The following SCN3B variants were observed in gnomAD, a reference collection of about 807,000 sequenced individuals.
The protein encoded by SCN3B is sodium voltage-gated channel beta subunit 3, also known as sodium channel regulatory subunit beta-3.
In SCN3B, 11 loss-of-function variants were observed where a neutral mutation model predicts 25.4. That is an observed-to-expected ratio of 0.43 (90% confidence interval 0.27 to 0.72). The LOEUF (loss-of-function observed/expected upper bound fraction) is 0.72, where lower values mean the gene tolerates loss of function less well. Ranked by LOEUF, SCN3B falls within the 30% of genes least tolerant of loss-of-function variation. The pLI, the probability that SCN3B is intolerant of heterozygous loss-of-function variation, is 0.18. For synonymous variants in SCN3B, 109 were observed against 110.7 expected (o/e 0.99, Z 0.09); for missense variants, 218 against 278.3 (o/e 0.78, Z 1.54).
At chr11:123,644,924 C>T (rs1272144082) in intron 3 of SCN3B, among the ~76,000 whole-genome samples, 1 of 149,592 alleles carries the variant, frequency 6.7e-6, no homozygotes, top group African/African-American at 2.5e-5. Flanking sequence ...CACCAACCAC[C>T]CAGAACTGAC....
At chr11:123,640,920 C>T (rs1955782329) in intron 4 of SCN3B, 1 of 152,250 alleles carries the variant, frequency 6.6e-6, no homozygotes, top group Admixed American at 6.5e-5. Flanking sequence ...CCACGAGGCT[C>T]TGTGGCTCTG....
At chr11:123,644,005 GC>G (rs1311991336) in intron 3 of SCN3B, among the ~76,000 whole-genome samples, 1 of 152,238 alleles carries the variant, frequency 6.6e-6, no homozygotes, top group Non-Finnish European at 1.5e-5. Flanking sequence ...AGAAGAGCAA[GC>G]TAAACCCAGT....
chr11:123,649,349 C>T (rs558904943), intron 2 of SCN3B, among the ~76,000 whole-genome samples: 1 of 152,224 alleles, frequency 6.6e-6, no homozygotes, highest in East Asian at 1.9e-4. Context: ...CTTGGTTGCC[C>T]CTAAGGCAAC....
chr11:123,636,173 A>G (rs1164968363), intron 5 of SCN3B, among the ~76,000 whole-genome samples: 1 of 152,172 alleles, frequency 6.6e-6, no homozygotes, highest in African/African-American at 2.4e-5. Flanking sequence ...ACTTCTTGCT[A>G]TTGTAACTTT....
chr11:123,649,611 T>C (rs1421136285), intron 2 of SCN3B, among the ~76,000 whole-genome samples: 7 of 151,514 alleles, frequency 4.6e-5, no homozygotes, highest in Non-Finnish European at 2.9e-5. Context: ...TCCTTTCTTT[T>C]TCTTTTCTTT....
intron 5 of SCN3B, among the ~76,000 whole-genome samples, chr11:123,637,480 T>C (rs1955741965): frequency 6.6e-6 from 1 of 152,164 alleles, no homozygotes; most frequent in African/African-American, 2.4e-5. Flanking sequence ...CGGCTTGGCA[T>C]TTACAGAACG....
intron 2 of SCN3B, among the ~76,000 whole-genome samples, chr11:123,650,476 T>C (rs1955911204): frequency 6.6e-6 from 1 of 152,128 alleles, no homozygotes; most frequent in African/African-American, 2.4e-5. Flanking sequence ...ATTTAGCTGG[T>C]CACTTAGGGC....
chr11:123,647,635 T>C (rs376619820), intron 2 of SCN3B, among the ~76,000 whole-genome samples: 2 of 152,260 alleles, frequency 1.3e-5, no homozygotes. Flanking sequence ...TAGTCCACTG[T>C]TAATGGTCAG....
intron 5 of SCN3B, among the ~76,000 whole-genome samples, chr11:123,635,726 T>C (rs942137539): frequency 6.6e-6 from 1 of 151,684 alleles, no homozygotes; most frequent in Non-Finnish European, 1.5e-5. Context: ...TCATCTCCGA[T>C]AAGACAAATC....
rs112754044 is a variant in SCN3B, at chr11:123,637,167, A to G, written c.584+1019T>C. Among the ~76,000 whole-genome samples, 836 of 152,216 alleles carry G rather than the reference A, an allele frequency of 5.5e-3. 9 individuals carry two copies. Among genetic ancestry groups the G allele is most frequent in the African/African-American group, 0.019 (792 of 41,530 alleles). On this transcript the variant is annotated intron_variant, in intron 5 of 6. Coordinates refer to ENST00000299333, the MANE Select transcript of SCN3B (RefSeq NM_001040151.2). ...TTCTTACAGACCCCACCGTTTCTCA[A>G]ATGTGCTCACCCTCAAGTGACTAGA...
At position 123,631,359 on chromosome 11, in the gene SCN3B, G is replaced by T. The variant is rs1444026928; in HGVS notation, c.*2440C>A. The T allele has an allele frequency of 6.6e-6, 1 of 152,100 alleles. No individual in the cohort carries two copies. The highest frequency in any genetic ancestry group is 1.5e-5 in the Non-Finnish European group (1 of 68,020). The allele number at this position is 152,100 out of a possible 1,614,324, so 9.4% of individuals were successfully genotyped here. Reference sequence around the variant, plus strand: ...TACCGCAAGCTGGTGGCATCCATGAGCTATGGGACTGGAAAAATTTCACAC... The same window carrying T: ...TACCGCAAGCTGGTGGCATCCATGATCTATGGGACTGGAAAAATTTCACAC... On this transcript the variant is annotated 3_prime_UTR_variant, in exon 7 of 7. Coordinates refer to ENST00000299333, the MANE Select transcript of SCN3B (RefSeq NM_001040151.2).
At chr11:123,641,643 C>A (rs181139747) in intron 4 of SCN3B, among the ~76,000 whole-genome samples, 196 of 152,260 alleles carry the variant, frequency 1.3e-3, no homozygotes, top group African/African-American at 4.6e-3. Flanking sequence ...GCAACAGAAA[C>A]ACCTGAGTTA....
intron 2 of SCN3B, among the ~76,000 whole-genome samples, chr11:123,648,792 A>G (rs559253739): frequency 6.6e-6 from 1 of 152,266 alleles, no homozygotes; most frequent in Non-Finnish European, 1.5e-5. Context: ...GTCATGCTCA[A>G]CAGACAGCAA....
chr11:123,646,414 T>C, intron 2 of SCN3B, among the ~76,000 whole-genome samples: 1 of 152,160 alleles, frequency 6.6e-6, no homozygotes, highest in East Asian at 1.9e-4. Context: ...TCCCTTCCAG[T>C]GTGAGGTATC....
rs3884445 is a variant in SCN3B at position 123,653,151 on chromosome 11, C to CAA, written c.55+594_55+595dup. Among the ~76,000 whole-genome samples, 194 of 144,278 alleles carry CAA rather than the reference C, an allele frequency of 1.3e-3. No individual in the cohort carries two copies. The East Asian group carries it at 0.016, about 12-fold the overall frequency. The allele number at this position is 144,278 out of a possible 152,430, so 94.7% of individuals were successfully genotyped here. On this transcript the variant is annotated intron_variant, in intron 2 of 6. Transcript: ENST00000299333. The stretch of plus-strand genomic sequence containing the variant: ...AGGTTCATGCAACAAACAAACAAAC[C>CAA]AAAAAAAAAAGAAGAAGAAGAAAAA...
rs1156375371 is a variant in SCN3B at position 123,632,545 on chromosome 11, T to C, written c.*1254A>G. Reference sequence around the variant, plus strand: ...CCTCACGCCTGTAATCTCAGCACTTTGGGAGGCTGAGGTGGGTGGGTCATT... The same window carrying C: ...CCTCACGCCTGTAATCTCAGCACTTCGGGAGGCTGAGGTGGGTGGGTCATT... On this transcript the variant is annotated 3_prime_UTR_variant, in exon 7 of 7. Coordinates refer to ENST00000299333, the MANE Select transcript of SCN3B (RefSeq NM_001040151.2). 3 of 152,166 alleles carry C rather than the reference T, an allele frequency of 2.0e-5. No homozygotes were observed. Among genetic ancestry groups the C allele is most frequent in the East Asian group, 3.9e-4 (2 of 5,190 alleles). The allele number at this position is 152,166 out of a possible 1,614,324, so 9.4% of individuals were successfully genotyped here.
At chr11:123,648,384 C>A (rs1229376341) in intron 2 of SCN3B, among the ~76,000 whole-genome samples, 1 of 152,226 alleles carries the variant, frequency 6.6e-6, no homozygotes, top group Non-Finnish European at 1.5e-5. Context: ...GATTAATTTA[C>A]ATGAATGTGC....
chr11:123,653,932 A>G lies in SCN3B; in HGVS notation c.-25-106T>C, dbSNP rs551903301. 9 of 1,065,812 alleles carry G rather than the reference A, an allele frequency of 8.4e-6. No individual in the cohort carries two copies. In the African/African-American group the frequency reaches 1.1e-4, roughly 13 times the overall value. 66.0% of individuals were successfully genotyped at this position (1,065,812 alleles called of 1,614,324 possible). On this transcript the variant is annotated intron_variant, in intron 1 of 6. Coordinates refer to ENST00000299333, the MANE Select transcript of SCN3B (RefSeq NM_001040151.2). ...AGGGGGCGACTTTCTGACCGAAGGA[A>G]GGGCCGAGCACCGGTGCCTGGGGAG... is the stretch of plus-strand genomic sequence containing the variant.
chr11:123,642,971 G>A lies in SCN3B; in HGVS notation c.220-300C>T, dbSNP rs1329652226. 6.6e-6 allele frequency among the ~76,000 whole-genome samples: 1 copy of A among 152,152 alleles called. No homozygotes were observed. The highest frequency in any genetic ancestry group is 2.4e-5 in the African/African-American group (1 of 41,438). On this transcript the variant is annotated intron_variant, in intron 3 of 6. Coordinates refer to ENST00000299333, the MANE Select transcript of SCN3B (RefSeq NM_001040151.2). This position sits in a 1 kb window ranked among gnomAD's most constrained non-coding sequence, Gnocchi z 4.3. Reference sequence around the variant, plus strand: ...AGAAGCTTGGCAGAAAAAAAGGGGTGGAAAGAGGGAGAACAAAGGCAGGCG... The same window carrying A: ...AGAAGCTTGGCAGAAAAAAAGGGGTAGAAAGAGGGAGAACAAAGGCAGGCG...
Sources: gnomAD v4.1 joint callset for allele counts (sites outside exome capture counted in the v4.1 genomes callset) on GRCh38, gnomAD v4.1.1 for gene constraint, Gnocchi (gnomAD v3.1) non-coding constraint, MANE v1.5 for transcripts, NCBI Gene and HGNC (gene_info 2026-07-23, HGNC 2026-07-21) for gene names.